GRIP1: variants seen among roughly 807,000 people sequenced by gnomAD.
The protein encoded by GRIP1 is glutamate receptor interacting protein 1, also known as glutamate receptor-interacting protein 1.
In GRIP1, 45 loss-of-function variants were observed where a neutral mutation model predicts 129.9. The observed-to-expected ratio is 0.35, with a 90% CI of 0.27 to 0.44. GRIP1 has a LOEUF of 0.44. Ranked by LOEUF, GRIP1 falls within the 20% of genes least tolerant of loss-of-function variation. The pLI is 1.00. For missense variants in GRIP1, 1,196 were observed against 1,396.8 expected (o/e 0.86, Z 2.29); for synonymous variants, 530 against 520.8 (o/e 1.02, Z -0.24).
chr12:66,543,137 A>G (rs1474943712), intron 2 of GRIP1, among the ~76,000 whole-genome samples: 5 of 152,156 alleles, frequency 3.3e-5, no homozygotes, highest in Admixed American at 3.3e-4. Context: ...CAACTGATCT[A>G]GTGAGGAGAA....
chr12:67,068,182 A>G (rs1370225093), intron 1 of GRIP1, among the ~76,000 whole-genome samples: 2 of 152,222 alleles, frequency 1.3e-5, no homozygotes, highest in East Asian at 3.9e-4. Flanking sequence ...CCATCCAAAC[A>G]CCATGAAATG....
chr12:66,629,364 C>G (rs892697524), intron 1 of GRIP1, among the ~76,000 whole-genome samples: 1 of 152,194 alleles, frequency 6.6e-6, no homozygotes, highest in Non-Finnish European at 1.5e-5. Context: ...ACCAGCATTT[C>G]ACAGAGTTAT....
chr12:66,677,720 C>T (rs1005338429), intron 1 of GRIP1, among the ~76,000 whole-genome samples: 3 of 152,262 alleles, frequency 2.0e-5, no homozygotes, highest in South Asian at 4.1e-4. Context: ...TATTCTCTTT[C>T]CTGTTATTGA....
At chr12:66,695,774 T>C (rs1177066815) in intron 1 of GRIP1, among the ~76,000 whole-genome samples, 1 of 152,234 alleles carries the variant, frequency 6.6e-6, no homozygotes, top group Non-Finnish European at 1.5e-5. Flanking sequence ...GCAGGGTATC[T>C]TTAAACAAGT....
At chr12:66,358,104 G>C in intron 23 of GRIP1, among the ~76,000 whole-genome samples, 1 of 152,234 alleles carries the variant, frequency 6.6e-6, no homozygotes, top group East Asian at 1.9e-4. Context: ...ACATTGGCCA[G>C]GCTGGTCTTG....
At chr12:66,934,302 C>CTA (rs1359478123) in intron 1 of GRIP1, among the ~76,000 whole-genome samples, 18 of 152,314 alleles carry the variant, frequency 1.2e-4, no homozygotes, top group African/African-American at 4.3e-4. Flanking sequence ...GGAAAAACAT[C>CTA]TATTCATCCT....
At chr12:66,830,606 T>C (rs941205340) in intron 1 of GRIP1, among the ~76,000 whole-genome samples, 11 of 152,198 alleles carry the variant, frequency 7.2e-5, no homozygotes, top group African/African-American at 2.7e-4. Context: ...ATCTCTAGAA[T>C]GGTGAGATAA....
At chr12:66,658,956 G>GAAA (rs2136183904) in intron 1 of GRIP1, among the ~76,000 whole-genome samples, 1 of 151,006 alleles carries the variant, frequency 6.6e-6, no homozygotes, top group African/African-American at 2.4e-5. Context: ...AAAAACAAAC[G>GAAA]AACAACAACA....
At chr12:66,369,312 G>C (rs1468473946) in intron 23 of GRIP1, among the ~76,000 whole-genome samples, 2 of 133,032 alleles carry the variant, frequency 1.5e-5, no homozygotes, top group Non-Finnish European at 3.2e-5. Context: ...GTAAGTGGAT[G>C]ATACTTTTTT....
intron 1 of GRIP1, among the ~76,000 whole-genome samples, chr12:66,908,204 T>G (rs2137299932): frequency 6.6e-6 from 1 of 152,236 alleles, no homozygotes; most frequent in East Asian, 1.9e-4. Flanking sequence ...ACATTCCATC[T>G]CAAAACCAAC....
Position 66,610,390 on chromosome 12 carries a change from A to G in GRIP1, c.56-13463T>C, listed in dbSNP as rs561897593. 2.2e-3 allele frequency among the ~76,000 whole-genome samples: 335 copies of G among 152,228 alleles called. 2 individuals carry two copies. Among genetic ancestry groups the G allele is most frequent in the African/African-American group, 7.7e-3 (318 of 41,562 alleles). On this transcript the variant is annotated intron_variant, in intron 1 of 24. Transcript: ENST00000359742. ...ACAGTAGATCCAAAAGGACTCCTCA[A>G]TCTTAAGACATCCCTCCTCTCCTAT...
intron 1 of GRIP1, among the ~76,000 whole-genome samples, chr12:66,767,805 A>G (rs1164006416): frequency 6.6e-6 from 1 of 152,144 alleles, no homozygotes; most frequent in Non-Finnish European, 1.5e-5. Context: ...CATAACATAC[A>G]TGTTTTGGTG....
chr12:67,007,515 CAAAG>C (rs897764951), intron 1 of GRIP1, among the ~76,000 whole-genome samples: 1 of 151,924 alleles, frequency 6.6e-6, no homozygotes, highest in African/African-American at 2.4e-5. Context: ...AAATCAAAGA[CAAAG>C]GAAGAAAAAG....
At chr12:66,731,526 CTTAT>C (rs1447195745) in intron 1 of GRIP1, among the ~76,000 whole-genome samples, 11 of 152,208 alleles carry the variant, frequency 7.2e-5, no homozygotes, top group Non-Finnish European at 1.2e-4. Flanking sequence ...CAATATCTGC[CTTAT>C]TTAATCATTG....
chr12:66,913,757 G>T (rs1417576004), intron 1 of GRIP1, among the ~76,000 whole-genome samples: 1 of 152,106 alleles, frequency 6.6e-6, no homozygotes, highest in African/African-American at 2.4e-5. Flanking sequence ...AATTATATCA[G>T]GAGGTCAATC....
At chr12:66,483,328 G>T (rs2059859992) in intron 7 of GRIP1, among the ~76,000 whole-genome samples, 1 of 152,008 alleles carries the variant, frequency 6.6e-6, no homozygotes, top group Admixed American at 6.6e-5. Context: ...TTAAATTGCT[G>T]ATTTATTTTT....
intron 1 of GRIP1, among the ~76,000 whole-genome samples, chr12:66,943,806 T>C (rs2041625360): frequency 6.6e-6 from 1 of 152,198 alleles, no homozygotes; most frequent in African/African-American, 2.4e-5. Flanking sequence ...ACTAAAACGG[T>C]GTGAGAATTT....
At chr12:66,617,447 A>T (rs1237572812) in intron 1 of GRIP1, among the ~76,000 whole-genome samples, 1 of 152,120 alleles carries the variant, frequency 6.6e-6, no homozygotes, top group Non-Finnish European at 1.5e-5. Flanking sequence ...TTGAATCACC[A>T]CATGAACTAA....
intron 2 of GRIP1, among the ~76,000 whole-genome samples, chr12:66,555,874 C>A (rs923480970): frequency 6.6e-6 from 1 of 150,706 alleles, no homozygotes. Flanking sequence ...ATAGAGGAGA[C>A]AAAAGAAAAA....
Sources: gnomAD v4.1 joint callset for allele counts (sites outside exome capture counted in the v4.1 genomes callset) on GRCh38, gnomAD v4.1.1 for gene constraint, MANE v1.5 for transcripts, NCBI Gene and HGNC (gene_info 2026-07-23, HGNC 2026-07-21) for gene names.